PTPRK: variants seen among roughly 807,000 people sequenced by gnomAD.
PTPRK encodes the protein protein tyrosine phosphatase receptor type K.
Under a neutral mutation model 178.0 loss-of-function variants are expected in PTPRK, and 75 were observed. The ratio of observed to expected loss-of-function variants is 0.42; its 90% CI spans 0.35 to 0.51. PTPRK has a LOEUF of 0.51. Among genes scored for constraint, PTPRK ranks in the 20% least tolerant of loss-of-function variants. The pLI is 0.02. For missense variants in PTPRK, 1,441 were observed against 1,797.8 expected (o/e 0.80, Z 3.59); for synonymous variants, 637 against 620.6 (o/e 1.03, Z -0.39).
At chr6:128,046,334 A>T (rs889658288) in intron 13 of PTPRK, among the ~76,000 whole-genome samples, 9 of 152,172 alleles carry the variant, frequency 5.9e-5, no homozygotes, top group Non-Finnish European at 1.0e-4. Flanking sequence ...AGGAGAAAAG[A>T]GTGTGATTAT....
intron 7 of PTPRK, among the ~76,000 whole-genome samples, chr6:128,136,288 A>G (rs767836811): frequency 6.6e-6 from 1 of 152,228 alleles, no homozygotes; most frequent in Non-Finnish European, 1.5e-5. Context: ...GCAGACAAAT[A>G]CATATGGTAT....
intron 26 of PTPRK, 62 bp downstream of exon 26, chr6:127,976,861 C>T: frequency 6.2e-7 from 1 of 1,609,306 alleles, no homozygotes; most frequent in South Asian, 1.1e-5. Context: ...CAGATTTTAG[C>T]AATTCATTAC....
chr6:127,981,045 C>T (rs1775285966), intron 25 of PTPRK, 71 bp downstream of exon 25: 2 of 1,332,986 alleles, frequency 1.5e-6, no homozygotes, highest in Non-Finnish European at 2.0e-6. Context: ...GAAAAGAAAA[C>T]TAGCCAGTGT....
chr6:128,092,787 G>T (rs2115032015), intron 7 of PTPRK, among the ~76,000 whole-genome samples: 1 of 152,152 alleles, frequency 6.6e-6, no homozygotes, highest in South Asian at 2.1e-4. Flanking sequence ...CTAAATTATT[G>T]ACCTTAATCC....
At chr6:128,211,631 C>A (rs1027719038) in intron 6 of PTPRK, among the ~76,000 whole-genome samples, 1 of 152,020 alleles carries the variant, frequency 6.6e-6, no homozygotes, top group Non-Finnish European at 1.5e-5. Context: ...TTCTTAGTAA[C>A]AGTCAGGTTC....
At chr6:128,019,714 T>A (rs1253556361) in intron 13 of PTPRK, among the ~76,000 whole-genome samples, 1 of 152,138 alleles carries the variant, frequency 6.6e-6, no homozygotes, top group Non-Finnish European at 1.5e-5. Context: ...ATATCTCCAC[T>A]CTCGTGCAGT....
At position 127,969,128 on chromosome 6, in the gene PTPRK, G is replaced by A. The variant is rs1303985751; in HGVS notation, c.*1099C>T. On this transcript the variant is annotated 3_prime_UTR_variant, in exon 30 of 30. Coordinates refer to ENST00000368226, the MANE Select transcript of PTPRK (RefSeq NM_002844.4). The stretch of plus-strand genomic sequence containing the variant: ...CAAATTTGACCCTGAAAGCATATAT[G>A]TTGCCATCTTGTTTTCTTGACCAGT... 6.6e-6 allele frequency: 1 copy of A among 152,164 alleles called. No homozygotes were observed. The highest frequency in any genetic ancestry group is 1.5e-5 in the Non-Finnish European group (1 of 68,022). The allele number at this position is 152,164 out of a possible 1,614,324, so 9.4% of individuals were successfully genotyped here. A position where few individuals can be genotyped will look rare whatever the true frequency, so the allele number is the denominator to read the frequency against.
chr6:128,215,510 G>A (rs781263720), intron 6 of PTPRK, among the ~76,000 whole-genome samples: 2 of 152,114 alleles, frequency 1.3e-5, no homozygotes, highest in African/African-American at 4.8e-5. Context: ...GCCTCCATAA[G>A]CTGAATACAT....
chr6:128,236,343 CTTTTTTT>C (rs35553541), intron 5 of PTPRK, among the ~76,000 whole-genome samples: 196 of 108,082 alleles, frequency 1.8e-3, no homozygotes, highest in Middle Eastern at 0.013. Flanking sequence ...TTCTAAATTT[CTTTTTTT>C]TTTTTTTTTT....
chr6:127,986,491 A>G (rs1775993124), intron 21 of PTPRK, among the ~76,000 whole-genome samples: 1 of 152,216 alleles, frequency 6.6e-6, no homozygotes, highest in Admixed American at 6.5e-5. Context: ...ACAAAATGAA[A>G]GAAGTGAAGC....
intron 3 of PTPRK, among the ~76,000 whole-genome samples, chr6:128,304,712 A>C (rs1332943652): frequency 6.6e-6 from 1 of 152,238 alleles, no homozygotes; most frequent in Non-Finnish European, 1.5e-5. Context: ...GCATCTCCAG[A>C]TTTATTTGTT....
chr6:128,374,505 T>C (rs566513484), intron 2 of PTPRK, among the ~76,000 whole-genome samples: 1 of 152,262 alleles, frequency 6.6e-6, no homozygotes, highest in Non-Finnish European at 1.5e-5. Flanking sequence ...CTCATGACTA[T>C]TGTGTCCTTC....
At chr6:128,047,321 A>G (rs1778215756) in intron 13 of PTPRK, among the ~76,000 whole-genome samples, 1 of 152,234 alleles carries the variant, frequency 6.6e-6, no homozygotes, top group Non-Finnish European at 1.5e-5. Context: ...ATTCTGAGTA[A>G]ATAATAATCT....
chr6:128,100,512 T>A (rs985480858), intron 7 of PTPRK, among the ~76,000 whole-genome samples: 4 of 151,928 alleles, frequency 2.6e-5, no homozygotes, highest in African/African-American at 9.7e-5. Flanking sequence ...TTAATAAACA[T>A]CCATACACTG....
At chr6:128,376,896 C>T (rs530229345) in intron 2 of PTPRK, among the ~76,000 whole-genome samples, 1 of 152,278 alleles carries the variant, frequency 6.6e-6, no homozygotes, top group African/African-American at 2.4e-5. Context: ...GCTCCGGTTC[C>T]CAACAAGTTC....
In PTPRK at chr6:128,214,903, G is replaced by A. The variant is rs528134803; in HGVS notation, c.868+4019C>T. Among the ~76,000 whole-genome samples, 7 of 152,266 alleles carry A rather than the reference G, an allele frequency of 4.6e-5. No individual in the cohort carries two copies. The East Asian group carries it at 1.4e-3, about 29-fold the overall frequency. Reference sequence around the variant, plus strand: ...CTGAATAAGGTTGGGTAACTACCCTGAGTAAGGTTAGGTAAAGTGATTGAT... The same window carrying A: ...CTGAATAAGGTTGGGTAACTACCCTAAGTAAGGTTAGGTAAAGTGATTGAT... On this transcript the variant is annotated intron_variant, in intron 6 of 29. Coordinates refer to ENST00000368226, the MANE Select transcript of PTPRK (RefSeq NM_002844.4).
intron 1 of PTPRK, among the ~76,000 whole-genome samples, chr6:128,459,735 A>C (rs1037006359): frequency 6.6e-6 from 1 of 152,244 alleles, no homozygotes; most frequent in Non-Finnish European, 1.5e-5. Context: ...ACAGTTGTCC[A>C]TAATTAATGG....
At position 128,180,618 on chromosome 6, in the gene PTPRK, T is replaced by C. The variant is rs552737748; in HGVS notation, c.1162+3814A>G. 3.3e-4 allele frequency among the ~76,000 whole-genome samples: 50 copies of C among 152,152 alleles called. 1 individual carries two copies. In the South Asian group the frequency reaches 8.3e-3, roughly 25 times the overall value. ...AAGGAAAACAAACAAACAAAAAGCT[T>C]TGGCAACCAGACAGGATATTTTCAG... On this transcript the variant is annotated intron_variant, in intron 7 of 29. Transcript: ENST00000368226.
intron 13 of PTPRK, among the ~76,000 whole-genome samples, chr6:128,015,390 T>C (rs1389732821): frequency 1.3e-5 from 2 of 151,686 alleles, no homozygotes; most frequent in Non-Finnish European, 2.9e-5. Flanking sequence ...CTGTCTTACT[T>C]CTTAAACACA....
Sources: gnomAD v4.1 joint callset for allele counts (sites outside exome capture counted in the v4.1 genomes callset) on GRCh38, gnomAD v4.1.1 for gene constraint, MANE v1.5 for transcripts, NCBI Gene and HGNC (gene_info 2026-07-23, HGNC 2026-07-21) for gene names.